Variants in THADA observed in about 807,000 individuals in gnomAD.
THADA encodes the protein THADA armadillo repeat containing.
A neutral mutation model predicts 219.8 loss-of-function variants in THADA; 213 were observed. The ratio of observed to expected loss-of-function variants is 0.97; its 90% confidence interval spans 0.87 to 1.09. THADA has a LOEUF of 1.09. THADA is among the 50% of genes least tolerant of loss of function. THADA has a pLI of 0.00. For synonymous variants in THADA, 1,018 were observed against 828.9 expected (o/e 1.23, Z -3.92); for missense variants, 2,956 against 2,311.3 (o/e 1.28, Z -5.72).
At chr2:43,481,485 C>T (rs745320402) in intron 26 of THADA, among the ~76,000 whole-genome samples, 157 of 152,232 alleles carry the variant, frequency 1.0e-3, no homozygotes, top group Non-Finnish European at 1.8e-3. Flanking sequence ...CCATGTACCC[C>T]AAATCTACTC....
intron 28 of THADA, among the ~76,000 whole-genome samples, chr2:43,403,687 C>A (rs1206393930): frequency 6.6e-6 from 1 of 152,108 alleles, no homozygotes; most frequent in Non-Finnish European, 1.5e-5. Context: ...ATACCATATG[C>A]AAAACAGAGG....
chr2:43,574,344 G>C lies in THADA; in HGVS notation c.1721C>G (p.Ala574Gly), dbSNP rs190809237. ...AAATGCATTTTTCTTACCAGTTTTA[G>C]CATCAATAGAAGTCTGAAGAATCTT... Reference protein sequence around the residue: ...MVKILQTSIDAKTGQEQSFPS... With the variant: ...MVKILQTSIDGKTGQEQSFPS... Residue 574 changes from alanine (A) to glycine (G), a missense_variant, in exon 11 of 38, where the codon GCT (alanine) becomes GGT (glycine). Transcript: ENST00000405975. The C allele has an allele frequency of 1.3e-6, 2 of 1,554,320 alleles. No individual in the cohort carries two copies. The highest frequency in any genetic ancestry group is 8.7e-7 in the Non-Finnish European group (1 of 1,154,306).
intron 29 of THADA, 67 bp from the exon 30 acceptor site, chr2:43,344,304 C>T: frequency 8.9e-7 from 1 of 1,126,194 alleles, no homozygotes; most frequent in Non-Finnish European, 1.3e-6. Flanking sequence ...CAGTTCCTCC[C>T]TTTTAAGTTT....
chr2:43,543,557 G>T (rs1448396730), intron 20 of THADA, among the ~76,000 whole-genome samples: 7 of 151,744 alleles, frequency 4.6e-5, no homozygotes, highest in African/African-American at 1.4e-4. Context: ...ACTTTTTAAT[G>T]ATTGCCATTC....
intron 36 of THADA, among the ~76,000 whole-genome samples, chr2:43,275,289 G>C (rs11892126): frequency 0.014 from 2,108 of 152,252 alleles, 36 homozygotes; most frequent in African/African-American, 0.045. Flanking sequence ...AGATGCGTGA[G>C]CCACCGCACC....
chr2:43,407,598 G>A (rs1675728546), intron 28 of THADA, among the ~76,000 whole-genome samples: 2 of 152,026 alleles, frequency 1.3e-5, no homozygotes, highest in African/African-American at 4.8e-5. Flanking sequence ...TGTGAGTCAA[G>A]GGAATGCTCA....
intron 13 of THADA, 60 bp downstream of exon 13, chr2:43,571,647 A>C (rs1359388898): frequency 1.9e-6 from 3 of 1,543,360 alleles, no homozygotes; most frequent in South Asian, 2.5e-5. Context: ...GGCTCTTTTT[A>C]AAAACGATTT....
intron 24 of THADA, among the ~76,000 whole-genome samples, chr2:43,500,209 A>C (rs2105065794): frequency 6.6e-6 from 1 of 152,312 alleles, no homozygotes. Context: ...AAAAAAAGAT[A>C]AAACTAAAAC....
At chr2:43,280,438 C>A (rs550680877) in intron 35 of THADA, among the ~76,000 whole-genome samples, 1 of 152,210 alleles carries the variant, frequency 6.6e-6, no homozygotes, top group South Asian at 2.1e-4. Flanking sequence ...TTGAGACCAT[C>A]CTGACCCATA....
chr2:43,308,812 A>G (rs951759669), intron 31 of THADA, among the ~76,000 whole-genome samples: 3 of 151,464 alleles, frequency 2.0e-5, no homozygotes, highest in Admixed American at 6.6e-5. Context: ...CATGATACAC[A>G]TGAAAATTAA....
intron 30 of THADA, among the ~76,000 whole-genome samples, chr2:43,335,372 T>C (rs959150723): frequency 1.3e-5 from 2 of 152,206 alleles, no homozygotes; most frequent in African/African-American, 4.8e-5. Context: ...TTAATTCTGG[T>C]GAACTGTGTG....
intron 21 of THADA, among the ~76,000 whole-genome samples, chr2:43,529,157 A>G (rs188851209): frequency 2.8e-5 from 4 of 141,948 alleles, no homozygotes; most frequent in Admixed American, 7.0e-5. Flanking sequence ...GACTTTTTTT[A>G]AAAAAAAAAA....
chr2:43,301,188 G>GGGT (rs1215480890), intron 31 of THADA, among the ~76,000 whole-genome samples: 1 of 152,172 alleles, frequency 6.6e-6, no homozygotes, highest in Non-Finnish European at 1.5e-5. Context: ...CAGGGTTTAT[G>GGGT]GGTGGGTAGG....
intron 28 of THADA, among the ~76,000 whole-genome samples, chr2:43,400,457 T>TTTTATA (rs1553427508): frequency 1.1e-5 from 1 of 89,904 alleles, no homozygotes; most frequent in Non-Finnish European, 2.7e-5. Context: ...ATAGACAAAT[T>TTTTATA]TATATATATA....
intron 16 of THADA, among the ~76,000 whole-genome samples, chr2:43,559,688 C>T (rs1401417772): frequency 6.6e-6 from 1 of 152,148 alleles, no homozygotes; most frequent in African/African-American, 2.4e-5. Context: ...AGCAATGTGT[C>T]AGGAAGAATG....
intron 15 of THADA, chr2:43,566,365 A>C (rs1698678711): frequency 6.6e-6 from 4 of 605,830 alleles, no homozygotes; most frequent in Admixed American, 3.3e-5. Flanking sequence ...TTATTATTTC[A>C]AATTTTAAAA....
chr2:43,329,957 C>T (rs1679770459), intron 30 of THADA, among the ~76,000 whole-genome samples: 1 of 152,234 alleles, frequency 6.6e-6, no homozygotes, highest in African/African-American at 2.4e-5. Flanking sequence ...TTCCATTACT[C>T]ACTATGCCCT....
At chr2:43,274,414 A>C (rs1452960317) in intron 36 of THADA, among the ~76,000 whole-genome samples, 2 of 152,184 alleles carry the variant, frequency 1.3e-5, no homozygotes, top group Non-Finnish European at 2.9e-5. Flanking sequence ...TTGCCACCTG[A>C]CTATGGTGAA....
chr2:43,439,135 C>T (rs1056022444), intron 26 of THADA, among the ~76,000 whole-genome samples: 2 of 152,138 alleles, frequency 1.3e-5, no homozygotes, highest in South Asian at 2.1e-4. Context: ...CCATAGATAT[C>T]CTCATCCTTG....
Sources: allele counts gnomAD v4.1 joint callset (sites outside exome capture counted in the v4.1 genomes callset), GRCh38; gene constraint gnomAD v4.1.1; transcripts MANE v1.5; gene names NCBI Gene and HGNC (gene_info 2026-07-23, HGNC 2026-07-21).